The following MSRA variants were observed in gnomAD, a reference collection of about 807,000 sequenced individuals.
The protein encoded by MSRA is methionine sulfoxide reductase A.
Under a neutral mutation model 31.3 loss-of-function variants are expected in MSRA, and 54 were observed. That is an observed-to-expected ratio of 1.73 (90% CI 1.39 to 2.17). The LOEUF is 2.17. MSRA is among the 30% of genes most tolerant of loss of function. MSRA has a pLI of 0.00. For missense variants in MSRA, 507 were observed against 300.9 expected (o/e 1.69, Z -5.07); for synonymous variants, 169 against 116.5 (o/e 1.45, Z -2.90).
At chr8:10,406,808 A>G (rs1173235787) in intron 5 of MSRA, among the ~76,000 whole-genome samples, 1 of 152,222 alleles carries the variant, frequency 6.6e-6, no homozygotes, top group Non-Finnish European at 1.5e-5. Context: ...CCTAGGAACC[A>G]AGATGAGGCC....
intron 1 of MSRA, among the ~76,000 whole-genome samples, chr8:10,188,664 T>A (rs1807257358): frequency 6.6e-6 from 1 of 152,170 alleles, no homozygotes; most frequent in African/African-American, 2.4e-5. Context: ...GAAAAGACTG[T>A]CCTTTCCTGA....
intron 5 of MSRA, among the ~76,000 whole-genome samples, chr8:10,333,492 C>A (rs1032756962): frequency 6.6e-6 from 1 of 152,120 alleles, no homozygotes; most frequent in Non-Finnish European, 1.5e-5. Context: ...GGGAGGTCCC[C>A]GATGACTTGG....
chr8:10,299,127 T>A (rs1308973447), intron 3 of MSRA, among the ~76,000 whole-genome samples: 2 of 152,182 alleles, frequency 1.3e-5, no homozygotes, highest in African/African-American at 4.8e-5. Flanking sequence ...ATTTATTTGC[T>A]TTCATTTTGA....
chr8:10,057,932 T>C (rs1377503239), intron 1 of MSRA, among the ~76,000 whole-genome samples: 1 of 152,246 alleles, frequency 6.6e-6, no homozygotes, highest in Admixed American at 6.5e-5. Context: ...CCGTCTTTCA[T>C]GTGGAACTTG....
At chr8:10,403,475 C>T (rs1423115270) in intron 5 of MSRA, among the ~76,000 whole-genome samples, 2 of 152,190 alleles carry the variant, frequency 1.3e-5, no homozygotes, top group Non-Finnish European at 2.9e-5. Context: ...ATGGCTAGGC[C>T]CTGGCTGGGA....
intron 1 of MSRA, chr8:10,095,878 T>C (rs1461668369): frequency 3.1e-6 from 4 of 1,279,060 alleles, no homozygotes; most frequent in Non-Finnish European, 4.0e-6. Flanking sequence ...TATTTGATTT[T>C]TTGCATGTAT....
chr8:10,105,556 C>T (rs969468753), intron 1 of MSRA, among the ~76,000 whole-genome samples: 11 of 152,172 alleles, frequency 7.2e-5, no homozygotes, highest in Admixed American at 7.2e-4. Context: ...ATAATGTAGG[C>T]ACATTCCCAT....
intron 1 of MSRA, among the ~76,000 whole-genome samples, chr8:10,151,403 G>C (rs1431271893): frequency 6.6e-6 from 1 of 152,170 alleles, no homozygotes; most frequent in Non-Finnish European, 1.5e-5. Flanking sequence ...CAGCATTTTG[G>C]GAGGCTGAGG....
chr8:10,283,050 C>A (rs1029355954), intron 3 of MSRA, among the ~76,000 whole-genome samples: 1 of 151,806 alleles, frequency 6.6e-6, no homozygotes, highest in Non-Finnish European at 1.5e-5. Flanking sequence ...CTTCCTTAAA[C>A]CTGGTCCAAA....
chr8:10,222,170 C>T (rs1391070573), intron 2 of MSRA, among the ~76,000 whole-genome samples: 1 of 151,844 alleles, frequency 6.6e-6, no homozygotes, highest in African/African-American at 2.4e-5. Context: ...ACTTAGGAAG[C>T]TATTGCCTCC....
chr8:10,259,249 A>G (rs1798343751), intron 3 of MSRA, among the ~76,000 whole-genome samples: 1 of 152,216 alleles, frequency 6.6e-6, no homozygotes, highest in African/African-American at 2.4e-5. Flanking sequence ...TTTAAACTCT[A>G]GCATCTTTTG....
chr8:10,425,465 A>T, intron 5 of MSRA, among the ~76,000 whole-genome samples: 1 of 152,204 alleles, frequency 6.6e-6, no homozygotes, highest in Non-Finnish European at 1.5e-5. Flanking sequence ...GGAGGTGGGC[A>T]GTGGCGCTGG....
chr8:10,116,149 A>G (rs537011638), intron 1 of MSRA, among the ~76,000 whole-genome samples: 3 of 152,054 alleles, frequency 2.0e-5, no homozygotes, highest in African/African-American at 7.2e-5. Context: ...TGACACTAAA[A>G]CTCAAGTTAG....
At chr8:10,337,783 G>C (rs1230697134) in intron 5 of MSRA, 1 of 702,622 alleles carries the variant, frequency 1.4e-6, no homozygotes, top group South Asian at 1.5e-5. Context: ...CCTGGGTGCA[G>C]CCATCTTCAA....
chr8:10,391,061 C>A (rs567344958), intron 5 of MSRA, among the ~76,000 whole-genome samples: 2 of 152,038 alleles, frequency 1.3e-5, no homozygotes, highest in African/African-American at 4.8e-5. Context: ...ACTTCACGTT[C>A]TGGCACTTCA....
intron 5 of MSRA, among the ~76,000 whole-genome samples, chr8:10,369,181 T>C (rs566639651): frequency 1.3e-5 from 2 of 152,172 alleles, no homozygotes; most frequent in African/African-American, 2.4e-5. Context: ...TTCAATATTA[T>C]ATTAAGTATT....
At chr8:10,182,399 G>A (rs1287435589) in intron 1 of MSRA, among the ~76,000 whole-genome samples, 3 of 152,124 alleles carry the variant, frequency 2.0e-5, no homozygotes, top group Non-Finnish European at 2.9e-5. Flanking sequence ...CTGTGGGTCA[G>A]GAATCCGGAC....
chr8:10,074,453 A>G (rs1797898199), intron 1 of MSRA, among the ~76,000 whole-genome samples: 1 of 152,114 alleles, frequency 6.6e-6, no homozygotes, highest in Non-Finnish European at 1.5e-5. Flanking sequence ...GGGATGAAGT[A>G]TGACCTGAGT....
At position 10,428,531 on chromosome 8, in the gene MSRA, C is replaced by T. The variant is rs149361376; in HGVS notation, c.*219C>T. ...AAGTTATGGTGGGAGTGGAGCTGTGCAGTTTCCTGTGTCTTCTGGGGTCTG... is the reference window on the plus strand; with the variant it reads ...AAGTTATGGTGGGAGTGGAGCTGTGTAGTTTCCTGTGTCTTCTGGGGTCTG... On this transcript the variant is annotated 3_prime_UTR_variant, in exon 6 of 6. Coordinates refer to ENST00000317173, the MANE Select transcript of MSRA (RefSeq NM_012331.5). 2,581 of 538,046 alleles carry T rather than the reference C, an allele frequency of 4.8e-3. 14 individuals are homozygous for T. The highest frequency in any genetic ancestry group is 9.7e-3 in the African/African-American group (507 of 52,196). The allele number at this position is 538,046 out of a possible 1,614,324, so 33.3% of individuals were successfully genotyped here.
Sources: gnomAD v4.1 joint callset for allele counts (sites outside exome capture counted in the v4.1 genomes callset) on GRCh38, gnomAD v4.1.1 for gene constraint, MANE v1.5 for transcripts, NCBI Gene and HGNC (gene_info 2026-07-23, HGNC 2026-07-21) for gene names.